NKAIN2: variants seen among roughly 807,000 people sequenced by gnomAD.
NKAIN2 encodes the protein sodium/potassium transporting ATPase interacting 2.
In NKAIN2, 14 loss-of-function variants were observed where a neutral mutation model predicts 32.6. That is an observed-to-expected ratio of 0.43 (90% CI 0.28 to 0.67). NKAIN2 has a LOEUF of 0.67. Ranked by LOEUF, NKAIN2 falls within the 30% of genes least tolerant of loss-of-function variation. NKAIN2 has a pLI of 0.17. For synonymous variants in NKAIN2, 80 were observed against 87.2 expected (o/e 0.92, Z 0.46); for missense variants, 198 against 258.3 (o/e 0.77, Z 1.60).
intron 1 of NKAIN2, among the ~76,000 whole-genome samples, chr6:124,151,898 C>A (rs2114396512): frequency 1.3e-5 from 2 of 151,904 alleles, no homozygotes; most frequent in South Asian, 4.1e-4. Context: ...CTAGATACAA[C>A]TCTTTATATT....
intron 4 of NKAIN2, among the ~76,000 whole-genome samples, chr6:124,732,045 C>CACATGATAT (rs745554223): frequency 6.6e-5 from 10 of 151,998 alleles, no homozygotes; most frequent in Non-Finnish European, 1.3e-4. Context: ...AATGAAATAT[C>CACATGATAT]ATTCTAATAG....
chr6:124,088,443 G>A (rs1784284810), intron 1 of NKAIN2, among the ~76,000 whole-genome samples: 1 of 151,916 alleles, frequency 6.6e-6, no homozygotes, highest in Admixed American at 6.6e-5. Flanking sequence ...CTGGCAAGGA[G>A]CTCAATGTGG....
At chr6:124,243,824 G>A (rs534291836) in intron 1 of NKAIN2, among the ~76,000 whole-genome samples, 2 of 152,150 alleles carry the variant, frequency 1.3e-5, no homozygotes, top group Admixed American at 1.3e-4. Flanking sequence ...TGTCCACAAA[G>A]TGACCACGTT....
intron 1 of NKAIN2, among the ~76,000 whole-genome samples, chr6:124,268,797 A>G (rs1794620117): frequency 6.6e-6 from 1 of 152,026 alleles, no homozygotes; most frequent in African/African-American, 2.4e-5. Context: ...CTGAAGTGAT[A>G]TCATAATGTT....
At position 124,712,678 on chromosome 6, in the gene NKAIN2, G is replaced by A. The variant is rs933108903; in HGVS notation, c.474+54292G>A. Among the ~76,000 whole-genome samples, 19 of 151,382 alleles carry A rather than the reference G, an allele frequency of 1.3e-4. 1 individual carries two copies. The highest frequency in any genetic ancestry group is 4.6e-4 in the Admixed American group (7 of 15,206). ...GCAATGCCTGGCCCTGCTTCGGCTC[G>A]TGCACGGTGTGCGCACCCACTGACC... On this transcript the variant is annotated intron_variant, in intron 4 of 6. Coordinates refer to ENST00000368417, the MANE Select transcript of NKAIN2 (RefSeq NM_001040214.3).
At chr6:124,813,776 ATTTAG>A (rs988430776) in intron 5 of NKAIN2, among the ~76,000 whole-genome samples, 11 of 152,140 alleles carry the variant, frequency 7.2e-5, no homozygotes, top group Admixed American at 5.9e-4. Context: ...AATTTGGGGA[ATTTAG>A]TTTATTTTTA....
chr6:123,931,710 TAA>T (rs1776261300), intron 1 of NKAIN2, among the ~76,000 whole-genome samples: 1 of 152,132 alleles, frequency 6.6e-6, no homozygotes, highest in African/African-American at 2.4e-5. Flanking sequence ...GAAAATAATC[TAA>T]AAAGTAAGAG....
chr6:124,462,631 A>G (rs997529745), intron 3 of NKAIN2, among the ~76,000 whole-genome samples: 1 of 151,998 alleles, frequency 6.6e-6, no homozygotes, highest in Non-Finnish European at 1.5e-5. Context: ...AAAAACAAGC[A>G]TTCTGACAGT....
chr6:123,902,132 T>C (rs1774619581), intron 1 of NKAIN2, among the ~76,000 whole-genome samples: 1 of 152,130 alleles, frequency 6.6e-6, no homozygotes, highest in Non-Finnish European at 1.5e-5. Flanking sequence ...TCAAATGATA[T>C]GTCAAGTACA....
intron 1 of NKAIN2, among the ~76,000 whole-genome samples, chr6:124,227,323 G>T (rs760691139): frequency 6.6e-6 from 1 of 152,052 alleles, no homozygotes; most frequent in Admixed American, 6.6e-5. Flanking sequence ...TCTATGAAAT[G>T]GTTCATGGGT....
At chr6:123,985,785 T>C (rs1779109836) in intron 1 of NKAIN2, among the ~76,000 whole-genome samples, 1 of 152,134 alleles carries the variant, frequency 6.6e-6, no homozygotes, top group African/African-American at 2.4e-5. Context: ...CTAGACTTCT[T>C]GGAAGACATT....
intron 1 of NKAIN2, among the ~76,000 whole-genome samples, chr6:124,006,677 A>G (rs1043680809): frequency 2.6e-5 from 4 of 152,054 alleles, no homozygotes; most frequent in Non-Finnish European, 5.9e-5. Flanking sequence ...TGTTCTAGCA[A>G]TAGTTCTGGG....
At chr6:124,333,840 G>A (rs1382889378) in intron 2 of NKAIN2, among the ~76,000 whole-genome samples, 1 of 152,044 alleles carries the variant, frequency 6.6e-6, no homozygotes, top group Non-Finnish European at 1.5e-5. Flanking sequence ...GTCCTTAAAA[G>A]CTAGAAATGA....
chr6:124,736,177 A>T (rs1482682976), intron 4 of NKAIN2, among the ~76,000 whole-genome samples: 1 of 151,970 alleles, frequency 6.6e-6, no homozygotes, highest in Non-Finnish European at 1.5e-5. Context: ...TTGAGTGGTC[A>T]GGATAGATCA....
intron 3 of NKAIN2, among the ~76,000 whole-genome samples, chr6:124,638,188 G>T (rs1015716255): frequency 1.3e-5 from 2 of 152,134 alleles, no homozygotes; most frequent in Non-Finnish European, 2.9e-5. Context: ...AATACATAGT[G>T]CTGGGAAAAC....
At chr6:124,123,362 A>G (rs1429180573) in intron 1 of NKAIN2, among the ~76,000 whole-genome samples, 1 of 152,090 alleles carries the variant, frequency 6.6e-6, no homozygotes, top group Admixed American at 6.6e-5. Context: ...GGTGAGAGAG[A>G]AAGCCACTGA....
intron 2 of NKAIN2, among the ~76,000 whole-genome samples, chr6:124,348,554 C>T (rs959349603): frequency 1.2e-4 from 19 of 152,352 alleles, no homozygotes; most frequent in Middle Eastern, 3.4e-3. Flanking sequence ...GCCCCTCCCC[C>T]AGCCTCGCTG....
At chr6:124,187,662 C>A (rs940137325) in intron 1 of NKAIN2, among the ~76,000 whole-genome samples, 2 of 152,106 alleles carry the variant, frequency 1.3e-5, no homozygotes, top group South Asian at 2.1e-4. Context: ...AGTTAAAATT[C>A]TCTGTCTACC....
chr6:124,302,626 G>A (rs1263282010), intron 2 of NKAIN2, among the ~76,000 whole-genome samples: 2 of 151,950 alleles, frequency 1.3e-5, no homozygotes, highest in Admixed American at 6.6e-5. Flanking sequence ...ACTAATTAAA[G>A]CAAAACAGAA....
Sources: allele counts gnomAD v4.1 joint callset (sites outside exome capture counted in the v4.1 genomes callset), GRCh38; gene constraint gnomAD v4.1.1; transcripts MANE v1.5; gene names NCBI Gene and HGNC (gene_info 2026-07-23, HGNC 2026-07-21).